Variants in CARD14 observed in about 807,000 individuals in gnomAD.
CARD14 encodes caspase recruitment domain-containing protein 14.
In CARD14, 107 loss-of-function variants were observed where a neutral mutation model predicts 111.5. The ratio of observed to expected loss-of-function variants is 0.96; its 90% CI spans 0.82 to 1.13. The LOEUF is 1.13. Among genes scored for constraint, CARD14 ranks in the 50% most tolerant of loss-of-function variants. The probability of loss-of-function intolerance (pLI) is 0.00; values close to 1 mark genes in which losing one functional copy is unlikely to be tolerated. For synonymous variants in CARD14, 617 were observed against 579.6 expected, an observed-to-expected ratio of 1.06 and a Z score of -0.93; for missense variants, 1,322 against 1,362.3, an observed-to-expected ratio of 0.97 and a Z score of 0.47.
In CARD14 at chr17:80,189,802, G is replaced by T; in HGVS notation, c.893G>T (p.Arg298Leu). The change falls in exon 9 of 24, where the codon CGA becomes CTA. Residue 298 changes from arginine (R) to leucine (L), a missense_variant. By Grantham distance (102) the Arg-to-Leu change is moderately radical. Coordinates refer to ENST00000648509, the MANE Select transcript of CARD14 (RefSeq NM_001366385.1). The surrounding 1 kb of genome is among the most constrained non-coding windows in gnomAD (Gnocchi z 4.7). Reference sequence around the variant, plus strand: ...AGCCTGGACGAGGCGCGGGGGAGCCGACAGGAGCTGGTGGAGCGCATCCAC... The same window carrying T: ...AGCCTGGACGAGGCGCGGGGGAGCCTACAGGAGCTGGTGGAGCGCATCCAC... ...EQSLDEARGSRQELVERIHSL... is the reference protein window; with the variant it reads ...EQSLDEARGSLQELVERIHSL... The T allele has an allele frequency of 1.3e-6, 2 of 1,584,350 alleles. No individual in the cohort carries two copies. Among genetic ancestry groups the T allele is most frequent in the Non-Finnish European group, 1.7e-6 (2 of 1,170,106 alleles).
Position 80,182,694 on chromosome 17 carries a change from G to A in CARD14, c.253G>A (p.Ala85Thr), listed in dbSNP as rs903653101. The A allele has an allele frequency of 6.2e-7, 1 of 1,614,172 alleles. No individual in the cohort carries two copies. Among genetic ancestry groups the A allele is most frequent in the Non-Finnish European group, 8.5e-7 (1 of 1,180,004 alleles). Reference protein sequence around the residue: ...DLLKTRGKNGAIAFLESLKFH... With the variant: ...DLLKTRGKNGTIAFLESLKFH... ...GCTGAAGACTCGAGGGAAGAACGGG[G>A]CCATCGCCTTCCTGGAGAGCCTGAA... The change falls in exon 6 of 24, where the codon GCC becomes ACC. Residue 85 changes from alanine to threonine, a missense_variant. Physicochemically the swap from Ala to Thr is moderately conservative, Grantham distance 58 (BLOSUM62 0). Coordinates refer to ENST00000648509, the MANE Select transcript of CARD14 (RefSeq NM_001366385.1). The surrounding 1 kb of genome is among the most constrained non-coding windows in gnomAD (Gnocchi z 4.7).
rs142648497 is a variant in CARD14 at position 80,183,418 on chromosome 17, C to T, written c.350-495C>T. On this transcript the variant is annotated intron_variant, in intron 6 of 23. Transcript: ENST00000648509. ...TCTTTAGAGTTCTAGTACGCGGATT[C>T]GTATTCTTTTTTTATCTTTTTCTCA... Among the ~76,000 whole-genome samples, 951 of 152,276 alleles carry T rather than the reference C, an allele frequency of 6.2e-3. 7 individuals carry two copies. Among genetic ancestry groups the T allele is most frequent in the African/African-American group, 0.019 (792 of 41,546 alleles).
At position 80,198,742 on chromosome 17, in the gene CARD14, TCTG is replaced by T; in HGVS notation, c.1851+154_1851+156del. 1.3e-6 allele frequency: 2 copies of T among 1,542,146 alleles called. No individual in the cohort carries two copies. Among genetic ancestry groups the T allele is most frequent in the Non-Finnish European group, 1.7e-6 (2 of 1,147,112 alleles). The stretch of plus-strand genomic sequence containing the variant: ...TCTTTCCTGGGCTGACGTAAAGCGT[TCTG>T]CTCATTTATAGATGAGAGTCGTGCC... On this transcript the variant is annotated intron_variant, in intron 16 of 23. Transcript: ENST00000648509. This position sits in a 1 kb window ranked among gnomAD's most constrained non-coding sequence, Gnocchi z 7.5.
chr17:80,185,553 A>G (rs2040317240), intron 7 of CARD14, among the ~76,000 whole-genome samples: 1 of 152,098 alleles, frequency 6.6e-6, no homozygotes. Context: ...CTGCCCCTAT[A>G]TAGCCACAGT....
At chr17:80,175,838 AG>A (rs1373704716) in intron 2 of CARD14, among the ~76,000 whole-genome samples, 1 of 151,142 alleles carries the variant, frequency 6.6e-6, no homozygotes, top group Non-Finnish European at 1.5e-5. Flanking sequence ...CTGGGGTGGC[AG>A]GGGCAGAACC....
intron 6 of CARD14, among the ~76,000 whole-genome samples, chr17:80,183,408 T>C (rs1423034411): frequency 3.3e-5 from 5 of 152,258 alleles, no homozygotes; most frequent in Admixed American, 6.5e-5. Flanking sequence ...AGAGTTCTAG[T>C]ACGCGGATTC....
intron 4 of CARD14, among the ~76,000 whole-genome samples, chr17:80,180,764 TTGTG>T (rs996786575): frequency 1.7e-4 from 17 of 98,914 alleles, no homozygotes; most frequent in Non-Finnish European, 3.2e-4. Flanking sequence ...GTTTGTTTGT[TTGTG>T]TGTTTGTTTA....
chr17:80,186,849 C>G (rs1177230852), intron 7 of CARD14, among the ~76,000 whole-genome samples: 3 of 152,206 alleles, frequency 2.0e-5, no homozygotes, highest in Non-Finnish European at 4.4e-5. Context: ...CACGCCCGGC[C>G]TCCTGCCTCC....
chr17:80,202,754 G>A (rs1464088177), intron 18 of CARD14: 1 of 414,334 alleles, frequency 2.4e-6, no homozygotes, highest in Non-Finnish European at 3.8e-6. Context: ...CAGCATCCCT[G>A]GCCGCCCTAC....
chr17:80,191,091 T>C (rs2040511805), intron 10 of CARD14, among the ~76,000 whole-genome samples, 192 bp downstream of exon 10: 1 of 152,228 alleles, frequency 6.6e-6, no homozygotes, highest in Admixed American at 6.5e-5. Context: ...TCTATCATCC[T>C]TCTTGCTCTT....
chr17:80,189,028 C>T lies in CARD14; in HGVS notation c.843+484C>T, dbSNP rs972556718. ...ATCACGCCACTGCACTCCAGCCTGG[C>T]GACAGAGGGAGACCCTGTCTCAAAC... is the stretch of plus-strand genomic sequence containing the variant. On this transcript the variant is annotated intron_variant, in intron 8 of 23. Coordinates refer to ENST00000648509, the MANE Select transcript of CARD14 (RefSeq NM_001366385.1). The surrounding 1 kb of genome is among the most constrained non-coding windows in gnomAD (Gnocchi z 4.7). Among the ~76,000 whole-genome samples the T allele has an allele frequency of 4.6e-5, 7 of 152,090 alleles. No individual in the cohort carries two copies. The East Asian group carries it at 7.7e-4, about 17-fold the overall frequency.
chr17:80,186,561 T>C (rs2040351200), intron 7 of CARD14, among the ~76,000 whole-genome samples: 1 of 152,102 alleles, frequency 6.6e-6, no homozygotes, highest in African/African-American at 2.4e-5. Flanking sequence ...TTTTGGTTTG[T>C]TTTTTTGAGA....
Position 80,181,473 on chromosome 17 carries a change from C to CG in CARD14, c.37dup (p.Ala13GlyfsTer86). ...CTGTGCCGCAGGGACTCCGCACTCACGGCACTGGACGAGGAGACACTGTGG... is the reference window on the plus strand; with the variant it reads ...CTGTGCCGCAGGGACTCCGCACTCACGGGCACTGGACGAGGAGACACTGTGG... On this transcript the variant is annotated frameshift_variant, in exon 5 of 24. Coordinates refer to ENST00000648509, the MANE Select transcript of CARD14 (RefSeq NM_001366385.1). LOFTEE classifies it high-confidence loss of function. The CG allele has an allele frequency of 6.3e-7, 1 of 1,586,314 alleles. No homozygotes were observed. Among genetic ancestry groups the CG allele is most frequent in the Non-Finnish European group, 8.6e-7 (1 of 1,165,858 alleles).
At chr17:80,187,176 C>T (rs776848627) in intron 7 of CARD14, among the ~76,000 whole-genome samples, 11 of 152,346 alleles carry the variant, frequency 7.2e-5, no homozygotes, top group African/African-American at 1.2e-4. Flanking sequence ...CTGCTCCCAG[C>T]GTCACCAGCA....
chr17:80,205,036 C>T lies in CARD14; in HGVS notation c.2400C>T (p.Gly800=). 1 of 1,590,290 alleles carries T rather than the reference C, an allele frequency of 6.3e-7. No individual in the cohort carries two copies. Among genetic ancestry groups the T allele is most frequent in the African/African-American group, 1.3e-5 (1 of 74,580 alleles). ...RGQLDPSRME[G]SSTCFWAESC... is the part of the protein sequence containing the mutation. ...CCCTCAGGATCCTCTCCTCCACAGG[C>T]TCCAGCACGTGCTTCTGGGCCGAGA... Residue 800 remains glycine (G), a splice_region_variant and synonymous_variant, in exon 21 of 24, where the codon GGC becomes GGT. Coordinates refer to ENST00000648509, the MANE Select transcript of CARD14 (RefSeq NM_001366385.1).
chr17:80,205,561 G>A lies in CARD14; in HGVS notation c.2600G>A (p.Trp867Ter). 6.3e-7 allele frequency: 1 copy of A among 1,583,764 alleles called. No homozygotes were observed. ...EYLSQEEYEA[W>*]SQRGDIIQEG... ...TTGAGCCAGGAGGAGTATGAGGCCT[G>A]GAGCCAGAGAGGGGACATCATCCAG... The change falls in exon 22 of 24, where the codon TGG becomes TAG. Residue 867 changes from tryptophan (W) to a stop codon, truncating the protein, a stop_gained. Transcript: ENST00000648509. LOFTEE classifies it high-confidence loss of function.
chr17:80,192,668 GC>G, intron 12 of CARD14, 49 bp downstream of exon 12: 2 of 1,369,876 alleles, frequency 1.5e-6, no homozygotes, highest in Non-Finnish European at 2.1e-6. Flanking sequence ...CTCTGGGCCA[GC>G]CCAGGGGCCT....
rs150424747 is a variant in CARD14 at position 80,188,529 on chromosome 17, G to T, written c.828G>T (p.Ser276=). 5.9e-6 allele frequency: 9 copies of T among 1,517,436 alleles called. No individual in the cohort carries two copies. The Admixed American group carries it at 1.9e-4, about 32-fold the overall frequency. 94.0% of individuals were successfully genotyped at this position (1,517,436 alleles called of 1,614,324 possible). ...RLKEENEKLR[S]LTFSLAEKDI... The stretch of plus-strand genomic sequence containing the variant: ...AGGAGGAGAATGAGAAACTGCGCTC[G>T]CTGACTTTCAGCCTGGTAGGTTCCG... The change falls in exon 8 of 24, where the codon TCG becomes TCT. Residue 276 remains serine, a synonymous_variant. Transcript: ENST00000648509. The surrounding 1 kb of genome is among the most constrained non-coding windows in gnomAD (Gnocchi z 4.5).
At position 80,203,897 on chromosome 17, in the gene CARD14, G is replaced by A. The variant is rs779539189; in HGVS notation, c.2283+12G>A. ...CCGTGACCCGCAAGGTGAGGCTCCA[G>A]GGAGGGGCCTGGACCCCACTGGGGT... On this transcript the variant is annotated intron_variant, in intron 19 of 23. Transcript: ENST00000648509. The surrounding 1 kb of genome is among the most constrained non-coding windows in gnomAD (Gnocchi z 4.6). 9.4e-6 allele frequency: 15 copies of A among 1,588,138 alleles called. No homozygotes were observed. In the African/African-American group the frequency reaches 1.6e-4, roughly 17 times the overall value.
Sources: gnomAD v4.1 joint callset for allele counts (sites outside exome capture counted in the v4.1 genomes callset) on GRCh38, gnomAD v4.1.1 for gene constraint, Gnocchi (gnomAD v3.1) non-coding constraint, MANE v1.5 for transcripts, NCBI Gene and HGNC (gene_info 2026-07-23, HGNC 2026-07-21) for gene names.